Variants in CAPZA2 observed in about 807,000 individuals in gnomAD.
CAPZA2 encodes capping actin protein of muscle Z-line subunit alpha 2, also known as F-actin-capping protein subunit alpha-2.
CAPZA2 carries 13 observed loss-of-function variants against 44.0 expected under a neutral mutation model. The observed-to-expected ratio is 0.30, with a 90% CI of 0.19 to 0.47. The LOEUF (loss-of-function observed/expected upper bound fraction) is 0.47, where lower values mean the gene tolerates loss of function less well. Ranked by LOEUF, CAPZA2 falls within the 20% of genes least tolerant of loss-of-function variation. The probability of loss-of-function intolerance (pLI) is 1.00; values close to 1 mark genes in which losing one functional copy is unlikely to be tolerated. For synonymous variants in CAPZA2, 94 were observed against 108.2 expected, an observed-to-expected ratio of 0.87 and a Z score of 0.81; for missense variants, 244 against 338.6, an observed-to-expected ratio of 0.72 and a Z score of 2.19.
At chr7:116,890,811 GAATT>G (rs1391342552) in intron 2 of CAPZA2, among the ~76,000 whole-genome samples, 1 of 125,976 alleles carries the variant, frequency 7.9e-6, no homozygotes, top group Non-Finnish European at 1.7e-5. Flanking sequence ...AGTTAGAAAA[GAATT>G]AAATATTTGA....
chr7:116,880,690 A>G (rs1473855003), intron 1 of CAPZA2, among the ~76,000 whole-genome samples: 2 of 76,974 alleles, frequency 2.6e-5, no homozygotes, highest in African/African-American at 4.2e-5. Flanking sequence ...AGCCACTGTA[A>G]CCTGCCTTTT....
chr7:116,900,379 A>G (rs1406178083), intron 4 of CAPZA2, among the ~76,000 whole-genome samples: 1 of 151,524 alleles, frequency 6.6e-6, no homozygotes, highest in Non-Finnish European at 1.5e-5. Flanking sequence ...GAATACCAAG[A>G]GATTCTAATA....
At chr7:116,890,524 AAATATAT>A (rs1796820394) in intron 2 of CAPZA2, among the ~76,000 whole-genome samples, 1 of 29,824 alleles carries the variant, frequency 3.4e-5, no homozygotes, top group Non-Finnish European at 5.4e-5. Context: ...AAAAAAAAAA[AAATATAT>A]ATATATATAT....
At chr7:116,882,339 A>T (rs1796712620) in intron 1 of CAPZA2, among the ~76,000 whole-genome samples, 1 of 152,154 alleles carries the variant, frequency 6.6e-6, no homozygotes, top group African/African-American at 2.4e-5. Flanking sequence ...GAATTCTATG[A>T]TGAAGGGCTT....
intron 2 of CAPZA2, among the ~76,000 whole-genome samples, chr7:116,889,275 GTGT>G (rs1562959603): frequency 6.6e-6 from 1 of 152,182 alleles, no homozygotes; most frequent in Non-Finnish European, 1.5e-5. Flanking sequence ...ATCTATAAAT[GTGT>G]TGTTGTTTCT....
intron 1 of CAPZA2, among the ~76,000 whole-genome samples, chr7:116,880,457 G>A (rs1228664864): frequency 6.6e-6 from 1 of 152,044 alleles, no homozygotes; most frequent in African/African-American, 2.4e-5. Flanking sequence ...GAGTGCAATA[G>A]CGTGATCTCG....
intron 1 of CAPZA2, among the ~76,000 whole-genome samples, chr7:116,886,360 G>T (rs1796761816): frequency 6.6e-6 from 1 of 152,042 alleles, no homozygotes; most frequent in Non-Finnish European, 1.5e-5. Flanking sequence ...CCTTTTGAAG[G>T]CCTTGTCATA....
chr7:116,900,404 C>CA lies in CAPZA2; in HGVS notation c.219+1581dup, dbSNP rs921388468. 7.8e-3 allele frequency among the ~76,000 whole-genome samples: 995 copies of CA among 127,576 alleles called. 8 individuals are homozygous for CA. The highest frequency in any genetic ancestry group is 0.023 in the African/African-American group (797 of 34,740). The allele number at this position is 127,576 out of a possible 152,430, so 83.7% of individuals were successfully genotyped here. ...AGATTCTAATAATATAACTCCCAAC[C>CA]AAAAAAAAAAAAGCTATTAGAATTA... On this transcript the variant is annotated intron_variant, in intron 4 of 9. Coordinates refer to ENST00000361183, the MANE Select transcript of CAPZA2 (RefSeq NM_006136.3).
intron 6 of CAPZA2, 102 bp from the exon 7 acceptor site, chr7:116,910,131 C>T (rs1002950521): frequency 1.4e-6 from 1 of 732,230 alleles, no homozygotes; most frequent in Non-Finnish European, 2.5e-6. Flanking sequence ...GTATTCATCC[C>T]CCACACTCTC....
chr7:116,898,537 C>G (rs1796954300), intron 3 of CAPZA2, among the ~76,000 whole-genome samples: 1 of 152,010 alleles, frequency 6.6e-6, no homozygotes, highest in Admixed American at 6.6e-5. Flanking sequence ...GTTATATTTA[C>G]TGATTTAATT....
chr7:116,911,584 G>A (rs1198559783), intron 7 of CAPZA2, among the ~76,000 whole-genome samples: 1 of 152,032 alleles, frequency 6.6e-6, no homozygotes, highest in East Asian at 1.9e-4. Context: ...TTACCATGTT[G>A]TGCTGAAATA....
intron 9 of CAPZA2, among the ~76,000 whole-genome samples, chr7:116,917,421 A>AT (rs1037824592): frequency 9.3e-5 from 14 of 151,048 alleles, no homozygotes; most frequent in African/African-American, 2.9e-4. Flanking sequence ...TGCCCGACTA[A>AT]TTTTTTTTTG....
intron 1 of CAPZA2, among the ~76,000 whole-genome samples, chr7:116,870,037 A>G (rs534667132): frequency 1.3e-5 from 2 of 152,156 alleles, no homozygotes; most frequent in Non-Finnish European, 2.9e-5. Flanking sequence ...TCAGATTTCA[A>G]TTAGCTAAAG....
At chr7:116,879,148 A>C (rs1796658026) in intron 1 of CAPZA2, among the ~76,000 whole-genome samples, 1 of 148,470 alleles carries the variant, frequency 6.7e-6, no homozygotes, top group Non-Finnish European at 1.5e-5. Flanking sequence ...AAAAAAAAAA[A>C]AGAAAAGAAT....
chr7:116,876,607 C>T (rs1302145929), intron 1 of CAPZA2, among the ~76,000 whole-genome samples: 2 of 152,164 alleles, frequency 1.3e-5, no homozygotes, highest in East Asian at 3.8e-4. Flanking sequence ...TTCCTTGCTT[C>T]CTGTGTGCCT....
chr7:116,913,989 C>CA (rs1390219236), intron 8 of CAPZA2, among the ~76,000 whole-genome samples: 3 of 151,126 alleles, frequency 2.0e-5, no homozygotes, highest in African/African-American at 4.9e-5. Context: ...TTATAAACAT[C>CA]AACTGCTTAT....
chr7:116,874,134 T>TA, intron 1 of CAPZA2: 1 of 155,446 alleles, frequency 6.4e-6, no homozygotes, highest in Admixed American at 6.5e-5. Context: ...AACCTGCTGA[T>TA]ACTTGCCTGG....
At chr7:116,909,818 T>C (rs1791565322) in intron 6 of CAPZA2, 1 of 172,264 alleles carries the variant, frequency 5.8e-6, no homozygotes, top group Non-Finnish European at 1.3e-5. Flanking sequence ...GCTTAAAATT[T>C]ATCTCCACAG....
chr7:116,917,209 C>G (rs1791691509), intron 9 of CAPZA2, among the ~76,000 whole-genome samples: 1 of 151,916 alleles, frequency 6.6e-6, no homozygotes, highest in Admixed American at 6.6e-5. Context: ...TAAGTTTATT[C>G]AAAATTATTA....
Sources: allele counts gnomAD v4.1 joint callset (sites outside exome capture counted in the v4.1 genomes callset), GRCh38; gene constraint gnomAD v4.1.1; transcripts MANE v1.5; gene names NCBI Gene and HGNC (gene_info 2026-07-23, HGNC 2026-07-21).